The following SORCS2 variants were observed in gnomAD, a reference collection of about 807,000 sequenced individuals.
SORCS2 encodes the protein sortilin related VPS10 domain containing receptor 2, also known as VPS10 domain-containing receptor SorCS2.
Under a neutral mutation model 141.6 loss-of-function variants are expected in SORCS2, and 100 were observed. The observed-to-expected ratio is 0.71, with a 90% CI of 0.60 to 0.83. The LOEUF (loss-of-function observed/expected upper bound fraction) is 0.83. SORCS2 is among the 40% of genes least tolerant of loss of function. The pLI, the probability that SORCS2 is intolerant of heterozygous loss-of-function variation, is 0.00. For synonymous variants in SORCS2, 789 were observed against 676.9 expected, an observed-to-expected ratio of 1.17 and a Z score of -2.57; for missense variants, 1,646 against 1,560.2, an observed-to-expected ratio of 1.05 and a Z score of -0.93.
intron 1 of SORCS2, among the ~76,000 whole-genome samples, chr4:7,215,171 G>C (rs538078261): frequency 4.3e-4 from 65 of 152,286 alleles, no homozygotes; most frequent in African/African-American, 1.4e-3. Flanking sequence ...CGGCGCTTGC[G>C]GGCCAGCTGG....
At chr4:7,383,571 T>C (rs1723119705) in intron 1 of SORCS2, among the ~76,000 whole-genome samples, 3 of 152,080 alleles carry the variant, frequency 2.0e-5, no homozygotes, top group Admixed American at 2.0e-4. Context: ...GGATCAGCAA[T>C]TTCCACCCAC....
chr4:7,229,550 C>T (rs955482605), intron 1 of SORCS2, among the ~76,000 whole-genome samples: 6 of 152,240 alleles, frequency 3.9e-5, no homozygotes, highest in Admixed American at 6.5e-5. Flanking sequence ...TTCCTCCTTC[C>T]GGAGCTTGCC....
chr4:7,526,051 T>TG, intron 2 of SORCS2, among the ~76,000 whole-genome samples: 1 of 151,588 alleles, frequency 6.6e-6, no homozygotes, highest in African/African-American at 2.4e-5. Flanking sequence ...TGTCTCCTCC[T>TG]CAGTCACCTG....
rs114777261 is a variant in SORCS2 at position 7,489,963 on chromosome 4, T to G, written c.549-41567T>G. Among the ~76,000 whole-genome samples, 1,373 of 152,256 alleles carry G rather than the reference T, an allele frequency of 9.0e-3. 25 individuals carry two copies. Among genetic ancestry groups the G allele is most frequent in the African/African-American group, 0.032 (1,313 of 41,554 alleles). The stretch of plus-strand genomic sequence containing the variant: ...TGGTGAATGCCAGGCTGGGTTCTCC[T>G]TCTATAGGTGGAGGGTTGGAACAGG... On this transcript the variant is annotated intron_variant, in intron 2 of 26. Coordinates refer to ENST00000507866, the MANE Select transcript of SORCS2 (RefSeq NM_020777.3).
chr4:7,291,460 G>T (rs892896222), intron 1 of SORCS2, among the ~76,000 whole-genome samples: 2 of 152,112 alleles, frequency 1.3e-5, no homozygotes, highest in African/African-American at 4.8e-5. Context: ...CATCATGAGG[G>T]CTCCCAGGGT....
rs770700445 is a variant in SORCS2, at chr4:7,718,180, G to A, written c.2421G>A (p.Glu807=). 1.9e-6 allele frequency: 3 copies of A among 1,609,304 alleles called. No homozygotes were observed. In the African/African-American group the frequency reaches 4.0e-5, roughly 22 times the overall value. Residue 807 remains glutamate (E), a synonymous_variant, in exon 18 of 27, where the codon GAG becomes GAA. Coordinates refer to ENST00000507866, the MANE Select transcript of SORCS2 (RefSeq NM_020777.3). ...GEDVLFVVRQ[E]QGDVLTTKYQ... ...ACGTCCTGTTTGTGGTGCGGCAGGA[G>A]CAGGTGAGTGAGCACCTCCCAGCAG...
rs149673874 is a variant in SORCS2, at chr4:7,582,474, C to T, written c.648+50845C>T. Among the ~76,000 whole-genome samples the T allele has an allele frequency of 1.4e-4, 21 of 152,224 alleles. 2 individuals are homozygous for T. In the South Asian group the frequency reaches 3.7e-3, roughly 27 times the overall value. ...ATTAAAGGATAAAACAGGGTGCGGC[C>T]GGAAAGGCGGCCGCCCCCTCGCCCA... On this transcript the variant is annotated intron_variant, in intron 3 of 26. Transcript: ENST00000507866.
chr4:7,405,896 G>A (rs2109139697), intron 2 of SORCS2, among the ~76,000 whole-genome samples: 1 of 152,254 alleles, frequency 6.6e-6, no homozygotes, highest in East Asian at 1.9e-4. Context: ...TGGTGAAAGT[G>A]AGCATCTTGG....
At chr4:7,210,297 A>C (rs1391842138) in intron 1 of SORCS2, among the ~76,000 whole-genome samples, 1 of 152,046 alleles carries the variant, frequency 6.6e-6, no homozygotes, top group Non-Finnish European at 1.5e-5. Context: ...CCATTATTTA[A>C]AATAGAGGCG....
chr4:7,314,617 G>A (rs1023798072), intron 1 of SORCS2, among the ~76,000 whole-genome samples: 4 of 152,128 alleles, frequency 2.6e-5, no homozygotes, highest in Admixed American at 6.5e-5. Flanking sequence ...GGGATTACAG[G>A]CGTGAGCCAC....
intron 9 of SORCS2, among the ~76,000 whole-genome samples, chr4:7,679,652 T>G (rs2108961284): frequency 6.6e-6 from 1 of 151,336 alleles, no homozygotes; most frequent in East Asian, 1.9e-4. Context: ...TTCCCTGGAG[T>G]CTGCAGAGGG....
chr4:7,407,354 G>A (rs1054300725), intron 2 of SORCS2, among the ~76,000 whole-genome samples: 4 of 152,062 alleles, frequency 2.6e-5, no homozygotes, highest in African/African-American at 9.7e-5. Flanking sequence ...TATATACTTG[G>A]GAGATTCGTG....
chr4:7,687,737 C>T (rs1331286762), intron 10 of SORCS2, among the ~76,000 whole-genome samples: 1 of 152,172 alleles, frequency 6.6e-6, no homozygotes, highest in Non-Finnish European at 1.5e-5. Flanking sequence ...GATGTCACAT[C>T]CTGCACAGTT....
rs62277484 is a variant in SORCS2 at position 7,573,243 on chromosome 4, C to A, written c.648+41614C>A. On this transcript the variant is annotated intron_variant, in intron 3 of 26. Coordinates refer to ENST00000507866, the MANE Select transcript of SORCS2 (RefSeq NM_020777.3). ...CTTCAACAAGCACACAAGATCCCTG[C>A]GGCATGATATCCAACTCATTTCAAA... Among the ~76,000 whole-genome samples, 1,461 of 152,276 alleles carry A rather than the reference C, an allele frequency of 9.6e-3. 23 individuals are homozygous for A. Among genetic ancestry groups the A allele is most frequent in the Non-Finnish European group, 0.013 (902 of 68,032 alleles).
chr4:7,479,652 G>T lies in SORCS2; in HGVS notation c.549-51878G>T, dbSNP rs553168138. ...CCCCTCGTTCCTTGTTCAGGGCCTG[G>T]CAATGTTTGCATCGGGGGGCCGTGT... On this transcript the variant is annotated intron_variant, in intron 2 of 26. Coordinates refer to ENST00000507866, the MANE Select transcript of SORCS2 (RefSeq NM_020777.3). 2.6e-5 allele frequency among the ~76,000 whole-genome samples: 4 copies of T among 152,010 alleles called. No individual in the cohort carries two copies. In the East Asian group the frequency reaches 7.8e-4, roughly 30 times the overall value.
intron 3 of SORCS2, among the ~76,000 whole-genome samples, chr4:7,571,472 C>T (rs1183468981): frequency 6.6e-6 from 1 of 152,074 alleles, no homozygotes; most frequent in Non-Finnish European, 1.5e-5. Flanking sequence ...TGGCCATGCC[C>T]CGTGTGGGTG....
At chr4:7,488,594 T>C (rs1173768621) in intron 2 of SORCS2, among the ~76,000 whole-genome samples, 4 of 152,236 alleles carry the variant, frequency 2.6e-5, no homozygotes, top group African/African-American at 9.6e-5. Flanking sequence ...TCCCTGCCTC[T>C]GTCCCCAGGA....
In SORCS2 at chr4:7,519,337, C is replaced by T. The variant is rs142809335; in HGVS notation, c.549-12193C>T. Among the ~76,000 whole-genome samples, 8 of 152,324 alleles carry T rather than the reference C, an allele frequency of 5.3e-5. No homozygotes were observed. In the East Asian group the frequency reaches 1.2e-3, roughly 22 times the overall value. ...TTAAGACCTCCAGACATAAAACCAGCGAGAACCACAATGCCACTTCCCTCC... is the reference window on the plus strand; with the variant it reads ...TTAAGACCTCCAGACATAAAACCAGTGAGAACCACAATGCCACTTCCCTCC... On this transcript the variant is annotated intron_variant, in intron 2 of 26. Transcript: ENST00000507866.
intron 2 of SORCS2, among the ~76,000 whole-genome samples, chr4:7,500,862 G>C (rs552416239): frequency 6.6e-6 from 1 of 152,310 alleles, no homozygotes; most frequent in East Asian, 1.9e-4. Flanking sequence ...CTGGGAGCCA[G>C]CCTGCGGGCA....
Sources: allele counts gnomAD v4.1 joint callset (sites outside exome capture counted in the v4.1 genomes callset), GRCh38; gene constraint gnomAD v4.1.1; transcripts MANE v1.5; gene names NCBI Gene and HGNC (gene_info 2026-07-23, HGNC 2026-07-21).